SNCAIP: variants seen among roughly 807,000 people sequenced by gnomAD.
The protein encoded by SNCAIP is synphilin-1.
SNCAIP carries 43 observed loss-of-function variants against 86.7 expected under a neutral mutation model. That is an observed-to-expected ratio of 0.50 (90% CI 0.39 to 0.64). The LOEUF is 0.64. SNCAIP is among the 30% of genes least tolerant of loss of function. The pLI is 0.00. For missense variants in SNCAIP, 981 were observed against 1,103.1 expected, an observed-to-expected ratio of 0.89 and a Z score of 1.57; for synonymous variants, 417 against 427.2, an observed-to-expected ratio of 0.98 and a Z score of 0.29.
chr5:122,345,485 T>C (rs992955719), intron 1 of SNCAIP, among the ~76,000 whole-genome samples: 2 of 152,142 alleles, frequency 1.3e-5, no homozygotes, highest in African/African-American at 4.8e-5. Flanking sequence ...CTAAAGTGAA[T>C]ATTCTATCCC....
At position 122,436,405 on chromosome 5, in the gene SNCAIP, A is replaced by T. The variant is rs532375982; in HGVS notation, c.1297-4224A>T. ...GAATCTCCTCCAACTTATTGTTTTT[A>T]TTCCTATCAATATTATTCAGTTTAC... On this transcript the variant is annotated intron_variant, in intron 6 of 10. Coordinates refer to ENST00000261368, the MANE Select transcript of SNCAIP (RefSeq NM_005460.4). 5.3e-5 allele frequency: 8 copies of T among 152,216 alleles called. No individual in the cohort carries two copies. In the East Asian group the frequency reaches 1.4e-3, roughly 26 times the overall value. 9.4% of individuals were successfully genotyped at this position (152,216 alleles called of 1,614,324 possible).
chr5:122,326,278 C>A (rs1348716125), intron 1 of SNCAIP, among the ~76,000 whole-genome samples: 1 of 152,138 alleles, frequency 6.6e-6, no homozygotes, highest in East Asian at 1.9e-4. Flanking sequence ...TTTTTCTACT[C>A]ATACACATTT....
chr5:122,434,683 T>C (rs1042845786), intron 6 of SNCAIP, among the ~76,000 whole-genome samples: 2 of 152,154 alleles, frequency 1.3e-5, no homozygotes, highest in Non-Finnish European at 2.9e-5. Context: ...CTGGAAAATA[T>C]AGAAGCCCAT....
intron 3 of SNCAIP, among the ~76,000 whole-genome samples, chr5:122,419,548 A>G (rs1476564582): frequency 6.6e-6 from 1 of 152,232 alleles, no homozygotes; most frequent in Non-Finnish European, 1.5e-5. Context: ...CCATTCAACC[A>G]AAAAGTCATT....
chr5:122,449,691 A>G (rs1783304272), intron 8 of SNCAIP, among the ~76,000 whole-genome samples, 154 bp from the exon 9 acceptor site: 2 of 152,216 alleles, frequency 1.3e-5, no homozygotes, highest in African/African-American at 2.4e-5. Flanking sequence ...TCCTTAGGAA[A>G]ATTTCTGAAC....
intron 2 of SNCAIP, among the ~76,000 whole-genome samples, chr5:122,400,011 G>T (rs1279014188): frequency 6.6e-6 from 1 of 152,068 alleles, no homozygotes; most frequent in Non-Finnish European, 1.5e-5. Context: ...TTATGGGGCA[G>T]GGGTCAGAAA....
chr5:122,455,902 C>A (rs1264278645), intron 10 of SNCAIP, among the ~76,000 whole-genome samples: 1 of 152,174 alleles, frequency 6.6e-6, no homozygotes, highest in Non-Finnish European at 1.5e-5. Context: ...TGGTTTATAA[C>A]AAGCAGATTT....
At chr5:122,437,904 C>G (rs1779895918) in intron 6 of SNCAIP, among the ~76,000 whole-genome samples, 1 of 152,158 alleles carries the variant, frequency 6.6e-6, no homozygotes, top group Non-Finnish European at 1.5e-5. Context: ...AACATTCCCA[C>G]TCTTATGAGG....
rs141020331 is a variant in SNCAIP at position 122,357,001 on chromosome 5, C to A, written c.-46-34088C>A. ...GTGCATCACAGTAAATTCCAAACTC[C>A]TTTCCATGGGCCATAAAGCCCTGCA... On this transcript the variant is annotated intron_variant, in intron 1 of 10. Transcript: ENST00000261368. Among the ~76,000 whole-genome samples the A allele has an allele frequency of 2.6e-4, 40 of 152,228 alleles. No homozygotes were observed. The East Asian group carries it at 7.2e-3, about 27-fold the overall frequency.
intron 1 of SNCAIP, among the ~76,000 whole-genome samples, chr5:122,370,286 A>G (rs1020839482): frequency 6.6e-6 from 1 of 151,964 alleles, no homozygotes; most frequent in Admixed American, 6.6e-5. Flanking sequence ...CTTGTACTCA[A>G]TAGCCATGCA....
At chr5:122,439,310 T>C (rs1309635923) in intron 6 of SNCAIP, among the ~76,000 whole-genome samples, 1 of 152,214 alleles carries the variant, frequency 6.6e-6, no homozygotes, top group Non-Finnish European at 1.5e-5. Flanking sequence ...GGTTTCAGTT[T>C]CTACCATGTC....
At chr5:122,378,066 G>T (rs1340622589) in intron 1 of SNCAIP, among the ~76,000 whole-genome samples, 3 of 147,456 alleles carry the variant, frequency 2.0e-5, no homozygotes, top group African/African-American at 7.5e-5. Context: ...GTAATGGGAT[G>T]GCTGGGTCAA....
intron 1 of SNCAIP, among the ~76,000 whole-genome samples, chr5:122,368,061 A>G (rs915215420): frequency 1.3e-5 from 2 of 152,174 alleles, no homozygotes; most frequent in Non-Finnish European, 2.9e-5. Flanking sequence ...TCGTAGGGCC[A>G]TCTCTAACAG....
At chr5:122,317,138 A>G (rs1051556159) in intron 1 of SNCAIP, among the ~76,000 whole-genome samples, 1 of 152,176 alleles carries the variant, frequency 6.6e-6, no homozygotes, top group Non-Finnish European at 1.5e-5. Context: ...GTAGACTTAA[A>G]TGTTTTAAGG....
At chr5:122,421,330 A>G (rs772445731) in intron 3 of SNCAIP, among the ~76,000 whole-genome samples, 1 of 152,226 alleles carries the variant, frequency 6.6e-6, no homozygotes, top group Non-Finnish European at 1.5e-5. Context: ...ACTCACTGAT[A>G]GTTATATAGC....
At chr5:122,400,821 G>A (rs1771650375) in intron 2 of SNCAIP, among the ~76,000 whole-genome samples, 1 of 152,174 alleles carries the variant, frequency 6.6e-6, no homozygotes, top group Non-Finnish European at 1.5e-5. Flanking sequence ...CTTCAGACAT[G>A]GTAGAGAAGT....
chr5:122,426,767 T>G (rs183098212), intron 5 of SNCAIP, among the ~76,000 whole-genome samples: 3 of 152,160 alleles, frequency 2.0e-5, no homozygotes, highest in Admixed American at 6.5e-5. Context: ...GAAAGATAAA[T>G]AGAACTAAAC....
chr5:122,460,045 C>T (rs568582519), intron 10 of SNCAIP, among the ~76,000 whole-genome samples: 1 of 152,100 alleles, frequency 6.6e-6, no homozygotes, highest in East Asian at 1.9e-4. Flanking sequence ...AAAGCACGTA[C>T]AGTATCCCAG....
At chr5:122,454,517 G>A (rs901378461) in intron 10 of SNCAIP, 4 of 152,626 alleles carry the variant, frequency 2.6e-5, no homozygotes, top group African/African-American at 9.7e-5. Flanking sequence ...TGCCTGGGGT[G>A]GGAAAGGAAT....
Sources: allele counts gnomAD v4.1 joint callset (sites outside exome capture counted in the v4.1 genomes callset), GRCh38; gene constraint gnomAD v4.1.1; transcripts MANE v1.5; gene names NCBI Gene and HGNC (gene_info 2026-07-23, HGNC 2026-07-21).